The following MYH11 variants were observed in gnomAD, a reference collection of about 807,000 sequenced individuals.
MYH11 encodes myosin heavy chain 11.
Under a neutral mutation model 246.6 loss-of-function variants are expected in MYH11, and 80 were observed. The ratio of observed to expected loss-of-function variants is 0.32; its 90% CI spans 0.27 to 0.39. The LOEUF is 0.39. Ranked by LOEUF, MYH11 falls within the 10% of genes least tolerant of loss-of-function variation. MYH11 has a pLI of 1.00. For missense variants in MYH11, 2,158 were observed against 2,546.8 expected (o/e 0.85, Z 3.29); for synonymous variants, 1,071 against 1,015.5 (o/e 1.05, Z -1.04).
chr16:15,716,147 T>C (rs1596700452), intron 38 of MYH11, among the ~76,000 whole-genome samples: 1 of 151,934 alleles, frequency 6.6e-6, no homozygotes, highest in African/African-American at 2.4e-5. Context: ...CAGACTGGTC[T>C]CGAACTCCTG....
intron 3 of MYH11, among the ~76,000 whole-genome samples, chr16:15,804,483 C>T (rs965682555): frequency 1.3e-5 from 2 of 152,118 alleles, no homozygotes; most frequent in Non-Finnish European, 2.9e-5. Context: ...GATCGCGCCA[C>T]TGCACTCCAG....
chr16:15,769,832 TA>T (rs1420485382), intron 9 of MYH11, among the ~76,000 whole-genome samples: 4 of 152,010 alleles, frequency 2.6e-5, no homozygotes, highest in South Asian at 2.1e-4. Context: ...TTTTTCTATT[TA>T]TTTTTTTTGT....
chr16:15,755,714 C>T (rs571921015), intron 14 of MYH11, among the ~76,000 whole-genome samples: 49 of 152,242 alleles, frequency 3.2e-4, no homozygotes, highest in African/African-American at 1.2e-3. Context: ...GGGTGGATCA[C>T]CTGAGGTCAG....
intron 2 of MYH11, among the ~76,000 whole-genome samples, chr16:15,828,888 A>G (rs2043648406): frequency 6.6e-6 from 1 of 152,044 alleles, no homozygotes. Flanking sequence ...AGGAATTTTT[A>G]AAAAGAAGGA....
intron 40 of MYH11, among the ~76,000 whole-genome samples, chr16:15,711,754 G>A (rs1312619161): frequency 1.3e-5 from 2 of 152,050 alleles, no homozygotes; most frequent in African/African-American, 4.8e-5. Flanking sequence ...GTGCAGTGGT[G>A]CGATCTCAGC....
At chr16:15,778,516 C>T (rs971185724) in intron 7 of MYH11, among the ~76,000 whole-genome samples, 1 of 152,152 alleles carries the variant, frequency 6.6e-6, no homozygotes, top group African/African-American at 2.4e-5. Context: ...GGTGGAGTAA[C>T]CAGCCCAAGG....
At position 15,747,895 on chromosome 16, in the gene MYH11, C is replaced by T. The variant is rs1166350922; in HGVS notation, c.2229G>A (p.Gly743=). ...TCACCATGAGAATGCAGGCCTGCTT[C>T]CCGTCCATGAAGCCTTTGGGGATGG... ...ANAIPKGFMD[G]KQACILMIKA... is the part of the protein sequence containing the mutation. The change falls in exon 18 of 41, where the codon GGG becomes GGA. Residue 743 remains glycine, a synonymous_variant. Transcript: ENST00000300036. 2 of 1,613,966 alleles carry T rather than the reference C, an allele frequency of 1.2e-6. No individual in the cohort carries two copies. Among genetic ancestry groups the T allele is most frequent in the Admixed American group, 3.3e-5 (2 of 59,968 alleles).
At chr16:15,756,076 C>T (rs2041705877) in intron 14 of MYH11, among the ~76,000 whole-genome samples, 2 of 152,136 alleles carry the variant, frequency 1.3e-5, no homozygotes, top group African/African-American at 4.8e-5. Flanking sequence ...CCAGCCTGGG[C>T]GACAAAGCGA....
intron 27 of MYH11, 92 bp from the exon 28 acceptor site, chr16:15,727,146 G>A: frequency 1.7e-6 from 2 of 1,167,800 alleles, no homozygotes; most frequent in Admixed American, 1.7e-5. Flanking sequence ...GAGAGGTCCA[G>A]GAAGGCACAC....
At chr16:15,774,271 T>G (rs528883490) in intron 8 of MYH11, among the ~76,000 whole-genome samples, 2 of 152,336 alleles carry the variant, frequency 1.3e-5, no homozygotes, top group East Asian at 3.9e-4. Context: ...AAGCCTAACA[T>G]CTTTCCAGTT....
At position 15,741,606 on chromosome 16, in the gene MYH11, CCTCTGCATACAG is replaced by C; in HGVS notation, c.2704_2715del (p.Leu902_Glu905del). 6.2e-7 allele frequency: 1 copy of C among 1,613,120 alleles called. No homozygotes were observed. The highest frequency in any genetic ancestry group is 8.5e-7 in the Non-Finnish European group (1 of 1,180,028). The stretch of plus-strand genomic sequence containing the variant: ...GCCAGCCGCACCCGCATCTCCTCAG[CCTCTGCATACAG>C]CTCTGTCTCTGCCTGCAGCTGTTCC... On this transcript the variant is annotated inframe_deletion, in exon 22 of 41. Transcript: ENST00000300036.
At chr16:15,800,820 T>C (rs939065931) in intron 3 of MYH11, among the ~76,000 whole-genome samples, 1 of 152,058 alleles carries the variant, frequency 6.6e-6, no homozygotes, top group African/African-American at 2.4e-5. Context: ...GATGTTTGGG[T>C]GGCCTGGTTG....
chr16:15,731,911 C>T (rs1173663572), intron 27 of MYH11, among the ~76,000 whole-genome samples: 1 of 152,138 alleles, frequency 6.6e-6, no homozygotes, highest in African/African-American at 2.4e-5. Flanking sequence ...ACCTCAGCCT[C>T]CCAAATAGCT....
intron 3 of MYH11, among the ~76,000 whole-genome samples, chr16:15,807,644 G>A (rs900655019): frequency 3.3e-5 from 5 of 152,056 alleles, no homozygotes; most frequent in Non-Finnish European, 7.4e-5. Flanking sequence ...GGGGCGGCCG[G>A]CCATCATCAG....
intron 28 of MYH11, 179 bp from the exon 29 acceptor site, chr16:15,725,171 CAG>C (rs1242921022): frequency 1.1e-5 from 7 of 638,244 alleles, no homozygotes; most frequent in Admixed American, 5.5e-5. Context: ...ACAAAAAAAA[CAG>C]AATCTGTGGC....
chr16:15,735,213 C>A (rs2041080223), intron 26 of MYH11, among the ~76,000 whole-genome samples, 153 bp downstream of exon 26: 2 of 151,894 alleles, frequency 1.3e-5, no homozygotes, highest in South Asian at 4.2e-4. Flanking sequence ...AAAGAAACAG[C>A]CAACCATGCT....
intron 10 of MYH11, among the ~76,000 whole-genome samples, 183 bp from the exon 11 acceptor site, chr16:15,760,841 C>T (rs2041852090): frequency 6.6e-6 from 1 of 152,180 alleles, no homozygotes; most frequent in Non-Finnish European, 1.5e-5. Flanking sequence ...TCACACTCCC[C>T]AGTATTTTGC....
intron 28 of MYH11, chr16:15,725,428 G>A: frequency 2.1e-6 from 1 of 480,788 alleles, no homozygotes; most frequent in Non-Finnish European, 3.6e-6. Context: ...CAGGGATGCT[G>A]TCCCATCCCT....
Position 15,759,634 on chromosome 16 carries a change from T to C in MYH11, c.1343A>G (p.His448Arg), listed in dbSNP as rs1596793460. 1 of 1,614,168 alleles carries C rather than the reference T, an allele frequency of 6.2e-7. No homozygotes were observed. Among genetic ancestry groups the C allele is most frequent in the Non-Finnish European group, 8.5e-7 (1 of 1,180,026 alleles). ...TRVNKALDKT[H>R]RQGASFLGIL... is the part of the protein sequence containing the mutation. Reference sequence around the variant, plus strand: ...CCCCAGGAAGGAAGCCCCTTGCCGATGGGTCTTGTCCAGGGCTTTGTTCAC... The same window carrying C: ...CCCCAGGAAGGAAGCCCCTTGCCGACGGGTCTTGTCCAGGGCTTTGTTCAC... The change falls in exon 12 of 41, where the codon CAT becomes CGT. Residue 448 changes from histidine to arginine, a missense_variant. Physicochemically the swap from His to Arg is conservative, Grantham distance 29. Around this residue, in one of 11 missense-constraint regions of MYH11, gnomAD observed 317 missense variants for 507.7 expected, o/e 0.62. Transcript: ENST00000300036.
Sources: allele counts gnomAD v4.1 joint callset (sites outside exome capture counted in the v4.1 genomes callset), GRCh38; gene constraint gnomAD v4.1.1; regional missense constraint gnomAD v4.1.1; transcripts MANE v1.5; gene names NCBI Gene and HGNC (gene_info 2026-07-23, HGNC 2026-07-21).